The following CDH4 variants were observed in gnomAD, a reference collection of about 807,000 sequenced individuals.
The protein encoded by CDH4 is cadherin 4, also known as cadherin-4.
Under a neutral mutation model 86.0 loss-of-function variants are expected in CDH4, and 33 were observed. The observed-to-expected ratio is 0.38, with a 90% CI of 0.29 to 0.51. The LOEUF (loss-of-function observed/expected upper bound fraction) is 0.51, where lower values mean the gene tolerates loss of function less well. Among genes scored for constraint, CDH4 ranks in the 20% least tolerant of loss-of-function variants. The pLI is 0.86. For missense variants in CDH4, 1,114 were observed against 1,307.4 expected (o/e 0.85, Z 2.28); for synonymous variants, 555 against 549.4 (o/e 1.01, Z -0.14).
At chr20:61,478,822 C>T (rs923545736) in intron 2 of CDH4, among the ~76,000 whole-genome samples, 2 of 152,222 alleles carry the variant, frequency 1.3e-5, no homozygotes, top group African/African-American at 4.8e-5. Context: ...GCCATTCGTT[C>T]GTGTGGGCAC....
chr20:61,471,687 G>A (rs535243002), intron 2 of CDH4, among the ~76,000 whole-genome samples: 13 of 151,690 alleles, frequency 8.6e-5, no homozygotes, highest in Admixed American at 6.6e-4. Context: ...GCTGTGTTCC[G>A]TAGGTTTTGC....
At chr20:61,636,418 T>G (rs2086947144) in intron 2 of CDH4, among the ~76,000 whole-genome samples, 1 of 152,260 alleles carries the variant, frequency 6.6e-6, no homozygotes. Context: ...AGGGCTCTTG[T>G]TCCATTAATA....
At chr20:61,466,664 C>A (rs2085473140) in intron 2 of CDH4, among the ~76,000 whole-genome samples, 1 of 151,978 alleles carries the variant, frequency 6.6e-6, no homozygotes. Context: ...GGCAACATGG[C>A]AAAACTCTGC....
intron 2 of CDH4, among the ~76,000 whole-genome samples, chr20:61,432,591 ATG>A (rs1168019856): frequency 6.6e-6 from 1 of 152,046 alleles, no homozygotes; most frequent in African/African-American, 2.4e-5. Context: ...ATGTATATGT[ATG>A]TGTGTGTATA....
Position 61,838,911 on chromosome 20 carries a change from G to A in CDH4, c.577-5757G>A, listed in dbSNP as rs562894045. On this transcript the variant is annotated intron_variant, in intron 4 of 15. Coordinates refer to ENST00000614565, the MANE Select transcript of CDH4 (RefSeq NM_001794.5). ...GTCTCAGCAGGCCAAGTGCAAGTCC[G>A]CCTGCCTGGGTCCTGTGCCTTCGGG... is the stretch of plus-strand genomic sequence containing the variant. 7.4e-4 allele frequency among the ~76,000 whole-genome samples: 112 copies of A among 151,840 alleles called. 1 individual carries two copies. Among genetic ancestry groups the A allele is most frequent in the Middle Eastern group, 6.9e-3 (2 of 288 alleles).
At chr20:61,739,795 C>T (rs2088311254) in intron 2 of CDH4, among the ~76,000 whole-genome samples, 1 of 152,338 alleles carries the variant, frequency 6.6e-6, no homozygotes, top group Non-Finnish European at 1.5e-5. Flanking sequence ...GCTGCAGAGG[C>T]GAGGGCAGCA....
At chr20:61,563,086 G>A (rs2086233630) in intron 2 of CDH4, among the ~76,000 whole-genome samples, 1 of 152,228 alleles carries the variant, frequency 6.6e-6, no homozygotes, top group Admixed American at 6.5e-5. Context: ...GGGAGCCCAG[G>A]CTCAGCACTG....
intron 9 of CDH4, among the ~76,000 whole-genome samples, chr20:61,910,998 T>G (rs1170568958): frequency 2.6e-5 from 4 of 152,232 alleles, no homozygotes; most frequent in South Asian, 2.1e-4. Flanking sequence ...TGCTGATATT[T>G]GAAGTTTTTC....
At chr20:61,863,168 C>T (rs1431313600) in intron 6 of CDH4, among the ~76,000 whole-genome samples, 1 of 152,234 alleles carries the variant, frequency 6.6e-6, no homozygotes, top group East Asian at 1.9e-4. Context: ...TACATGAATT[C>T]CGAGAAAGAG....
intron 2 of CDH4, among the ~76,000 whole-genome samples, chr20:61,607,726 CAG>C (rs1218127044): frequency 1.3e-5 from 2 of 152,220 alleles, no homozygotes; most frequent in East Asian, 1.9e-4. Flanking sequence ...AGGCTGCCCT[CAG>C]AGACTGGTTT....
intron 4 of CDH4, among the ~76,000 whole-genome samples, chr20:61,832,203 G>A (rs143492405): frequency 2.0e-5 from 3 of 152,352 alleles, no homozygotes; most frequent in Non-Finnish European, 2.9e-5. Context: ...GGGAGCTGGT[G>A]GGTCAGAGCA....
chr20:61,828,199 A>G (rs374847476), intron 4 of CDH4, among the ~76,000 whole-genome samples: 1 of 152,196 alleles, frequency 6.6e-6, no homozygotes, highest in African/African-American at 2.4e-5. Context: ...CAAAAAATTG[A>G]TAAATAAAAG....
intron 2 of CDH4, chr20:61,434,950 G>A (rs2085272475): frequency 6.6e-6 from 1 of 152,010 alleles, no homozygotes. Flanking sequence ...GTGTAAATTT[G>A]TTTACTTTTT....
intron 2 of CDH4, among the ~76,000 whole-genome samples, chr20:61,297,701 T>A (rs796980183): frequency 7.9e-5 from 12 of 152,380 alleles, no homozygotes; most frequent in African/African-American, 2.9e-4. Context: ...GGCTGGATTC[T>A]GGAGGCCTTG....
intron 7 of CDH4, among the ~76,000 whole-genome samples, chr20:61,888,672 G>A (rs1000116168): frequency 6.6e-6 from 1 of 152,242 alleles, no homozygotes; most frequent in Non-Finnish European, 1.5e-5. Flanking sequence ...CAGCTCTGCT[G>A]TTTCCATGAT....
At chr20:61,730,900 G>A in intron 2 of CDH4, among the ~76,000 whole-genome samples, 1 of 152,290 alleles carries the variant, frequency 6.6e-6, no homozygotes, top group Non-Finnish European at 1.5e-5. Context: ...TGGGCGGCGG[G>A]GTCTGGGATG....
intron 4 of CDH4, among the ~76,000 whole-genome samples, chr20:61,788,259 G>A (rs576200534): frequency 4.6e-5 from 7 of 152,282 alleles, no homozygotes; most frequent in South Asian, 2.1e-4. Flanking sequence ...ATGGGGTCGC[G>A]GAGCTTCTGC....
chr20:61,927,580 C>G (rs1284791870), intron 11 of CDH4, among the ~76,000 whole-genome samples: 1 of 152,216 alleles, frequency 6.6e-6, no homozygotes, highest in Non-Finnish European at 1.5e-5. Context: ...TTCCAGCACC[C>G]TGGGGCTCTG....
intron 4 of CDH4, among the ~76,000 whole-genome samples, chr20:61,805,734 C>T (rs1980089587): frequency 1.3e-5 from 2 of 152,192 alleles, no homozygotes; most frequent in Admixed American, 6.5e-5. Flanking sequence ...ATTGATCATC[C>T]GTGGAAAACA....
Sources: gnomAD v4.1 joint callset for allele counts (sites outside exome capture counted in the v4.1 genomes callset) on GRCh38, gnomAD v4.1.1 for gene constraint, MANE v1.5 for transcripts, NCBI Gene and HGNC (gene_info 2026-07-23, HGNC 2026-07-21) for gene names.